The following SPATS2 variants were observed in gnomAD, a reference collection of about 807,000 sequenced individuals.
The protein encoded by SPATS2 is spermatogenesis associated serine rich 2.
SPATS2 carries 38 observed loss-of-function variants against 63.7 expected under a neutral mutation model. The ratio of observed to expected loss-of-function variants is 0.60; its 90% CI spans 0.46 to 0.78. SPATS2 has a LOEUF of 0.78. SPATS2 is among the 30% of genes least tolerant of loss of function. SPATS2 has a pLI of 0.00. For synonymous variants in SPATS2, 207 were observed against 232.9 expected (o/e 0.89, Z 1.01); for missense variants, 588 against 666.2 (o/e 0.88, Z 1.29).
chr12:49,410,703 T>TAA (rs528166452), intron 2 of SPATS2, among the ~76,000 whole-genome samples: 1 of 152,188 alleles, frequency 6.6e-6, no homozygotes, highest in African/African-American at 2.4e-5. Flanking sequence ...TGCTCACTGA[T>TAA]ACGTTTATTC....
intron 2 of SPATS2, among the ~76,000 whole-genome samples, chr12:49,402,407 G>C (rs1426038678): frequency 6.6e-6 from 1 of 152,180 alleles, no homozygotes; most frequent in Non-Finnish European, 1.5e-5. Flanking sequence ...TTTAGAGTTA[G>C]GGTGCTAGAT....
At chr12:49,499,751 T>C (rs1335105810) in intron 8 of SPATS2, among the ~76,000 whole-genome samples, 1 of 152,200 alleles carries the variant, frequency 6.6e-6, no homozygotes, top group Non-Finnish European at 1.5e-5. Context: ...TAGGCCTCAC[T>C]TCATTTGTTT....
intron 2 of SPATS2, among the ~76,000 whole-genome samples, chr12:49,452,288 T>G (rs1303806350): frequency 6.6e-6 from 1 of 152,164 alleles, no homozygotes; most frequent in African/African-American, 2.4e-5. Context: ...TTTTAAAAAA[T>G]TTTTACTTTT....
intron 2 of SPATS2, among the ~76,000 whole-genome samples, chr12:49,431,624 TATTA>T (rs1945188050): frequency 6.6e-6 from 1 of 152,356 alleles, no homozygotes; most frequent in East Asian, 1.9e-4. Context: ...ACCAGTGTCC[TATTA>T]ATTGACAATT....
intron 9 of SPATS2, among the ~76,000 whole-genome samples, chr12:49,506,220 A>G (rs926267605): frequency 2.0e-5 from 3 of 152,170 alleles, no homozygotes; most frequent in African/African-American, 4.8e-5. Flanking sequence ...GATATTTTCA[A>G]TTTGCACATG....
At chr12:49,430,118 T>TTTTTTTA (rs1945157822) in intron 2 of SPATS2, among the ~76,000 whole-genome samples, 2 of 148,224 alleles carry the variant, frequency 1.3e-5, no homozygotes, top group African/African-American at 5.0e-5. Flanking sequence ...TTTTTTTTTT[T>TTTTTTTA]GAGACAAAGT....
rs898791549 is a variant in SPATS2, at chr12:49,397,530, T to C, written c.-244+26240T>C. On this transcript the variant is annotated intron_variant, in intron 2 of 13. Coordinates refer to ENST00000552918, the MANE Select transcript of SPATS2 (RefSeq NM_023071.4). The stretch of plus-strand genomic sequence containing the variant: ...AATCTGGCATATTATAAGTGCTCAA[T>C]AAATATTTACTGGCTGGCTGAGTGC... 2.0e-5 allele frequency among the ~76,000 whole-genome samples: 3 copies of C among 152,056 alleles called. No homozygotes were observed. In the South Asian group the frequency reaches 6.2e-4, roughly 32 times the overall value.
At chr12:49,423,576 A>G (rs1028884772) in intron 2 of SPATS2, among the ~76,000 whole-genome samples, 1 of 152,202 alleles carries the variant, frequency 6.6e-6, no homozygotes, top group Non-Finnish European at 1.5e-5. Context: ...CTGAAAGAGC[A>G]TCATCCTCCC....
chr12:49,401,754 G>A (rs1312242906), intron 2 of SPATS2, among the ~76,000 whole-genome samples: 1 of 152,110 alleles, frequency 6.6e-6, no homozygotes, highest in Non-Finnish European at 1.5e-5. Flanking sequence ...CTGGAGTGCA[G>A]TGGCACGATC....
At chr12:49,455,896 A>G (rs1945710948) in intron 2 of SPATS2, among the ~76,000 whole-genome samples, 1 of 152,248 alleles carries the variant, frequency 6.6e-6, no homozygotes, top group Non-Finnish European at 1.5e-5. Context: ...TGCTGGGACT[A>G]CAGGCATGAG....
chr12:49,404,831 G>A (rs762178525), intron 2 of SPATS2, among the ~76,000 whole-genome samples: 5 of 152,150 alleles, frequency 3.3e-5, no homozygotes, highest in Non-Finnish European at 5.9e-5. Context: ...CCTGCTGCCT[G>A]CTGTTGTATG....
intron 2 of SPATS2, among the ~76,000 whole-genome samples, chr12:49,450,994 G>A (rs984234683): frequency 6.6e-6 from 1 of 150,966 alleles, no homozygotes; most frequent in Non-Finnish European, 1.5e-5. Context: ...TCAGCCTCCC[G>A]AGTAACTGGG....
Position 49,423,288 on chromosome 12 carries a change from A to G in SPATS2, c.-243-37482A>G, listed in dbSNP as rs139331235. 8.2e-4 allele frequency among the ~76,000 whole-genome samples: 124 copies of G among 151,950 alleles called. 1 individual carries two copies. Among genetic ancestry groups the G allele is most frequent in the African/African-American group, 2.7e-3 (113 of 41,448 alleles). On this transcript the variant is annotated intron_variant, in intron 2 of 13. Coordinates refer to ENST00000552918, the MANE Select transcript of SPATS2 (RefSeq NM_023071.4). The stretch of plus-strand genomic sequence containing the variant: ...GCCAGGACTACAGGCACGCACCACC[A>G]CACCAGATAATTTTTGTAGTTTTAG...
At chr12:49,440,835 G>C (rs973027157) in intron 2 of SPATS2, among the ~76,000 whole-genome samples, 3 of 152,082 alleles carry the variant, frequency 2.0e-5, no homozygotes, top group Non-Finnish European at 4.4e-5. Context: ...GTTTCCTTAT[G>C]ATTAGATTCA....
In SPATS2 at chr12:49,395,363, G is replaced by A. The variant is rs1395150821; in HGVS notation, c.-244+24073G>A. Among the ~76,000 whole-genome samples the A allele has an allele frequency of 4.4e-4, 66 of 151,326 alleles. 1 individual carries two copies. The highest frequency in any genetic ancestry group is 4.4e-3 in the Admixed American group (66 of 15,172). ...ACCTCCAATACAATGTTGAAGAGAA[G>A]CAGTGAAAGTAAATATCTTTGTGTT... On this transcript the variant is annotated intron_variant, in intron 2 of 13. Transcript: ENST00000552918.
chr12:49,519,705 CG>C (rs1422534975), intron 11 of SPATS2, among the ~76,000 whole-genome samples: 1 of 152,170 alleles, frequency 6.6e-6, no homozygotes, highest in Admixed American at 6.5e-5. Context: ...ACCATCCCCC[CG>C]GTCCTCTGCC....
At chr12:49,385,013 C>T (rs1162148194) in intron 2 of SPATS2, among the ~76,000 whole-genome samples, 1 of 151,878 alleles carries the variant, frequency 6.6e-6, no homozygotes, top group African/African-American at 2.4e-5. Flanking sequence ...TTCTCCATGT[C>T]GGTCAGGCTG....
chr12:49,384,493 C>T (rs1212930687), intron 2 of SPATS2, among the ~76,000 whole-genome samples: 1 of 152,184 alleles, frequency 6.6e-6, no homozygotes, highest in Non-Finnish European at 1.5e-5. Flanking sequence ...AGAACATTTT[C>T]TGTATAGATG....
chr12:49,494,948 G>A lies in SPATS2; in HGVS notation c.472G>A (p.Ala158Thr). 6.2e-7 allele frequency: 1 copy of A among 1,613,936 alleles called. No homozygotes were observed. The highest frequency in any genetic ancestry group is 8.5e-7 in the Non-Finnish European group (1 of 1,179,942). The change falls in exon 7 of 14, where the codon GCC (alanine) becomes ACC (threonine). Residue 158 changes from alanine (A) to threonine (T), a missense_variant. Transcript: ENST00000552918. Reference protein sequence around the residue: ...SEGLETLSIDARELEDPESAM... With the variant: ...SEGLETLSIDTRELEDPESAM... ...AGGTTTGGAGACACTTTCAATAGAT[G>A]CCAGAGAATTGGAGGATCCCGAGTC...
Sources: gnomAD v4.1 joint callset for allele counts (sites outside exome capture counted in the v4.1 genomes callset) on GRCh38, gnomAD v4.1.1 for gene constraint, MANE v1.5 for transcripts, NCBI Gene and HGNC (gene_info 2026-07-23, HGNC 2026-07-21) for gene names.